TENM4: variants seen among roughly 807,000 people sequenced by gnomAD.
TENM4 encodes teneurin-4.
In TENM4, 82 loss-of-function variants were observed where a neutral mutation model predicts 243.3. The ratio of observed to expected loss-of-function variants is 0.34; its 90% confidence interval spans 0.28 to 0.40. The LOEUF is 0.40. TENM4 is among the 10% of genes least tolerant of loss of function. TENM4 has a pLI of 1.00. For missense variants in TENM4, 3,138 were observed against 3,673.3 expected, an observed-to-expected ratio of 0.85 and a Z score of 3.77; for synonymous variants, 1,412 against 1,456.3, an observed-to-expected ratio of 0.97 and a Z score of 0.69.
intron 6 of TENM4, among the ~76,000 whole-genome samples, chr11:78,908,954 T>C (rs1856123080): frequency 6.6e-6 from 1 of 152,208 alleles, no homozygotes; most frequent in Admixed American, 6.5e-5. Flanking sequence ...GGAGGACAGC[T>C]GGCAAAGATA....
At chr11:78,665,515 G>A (rs1279810144) in intron 32 of TENM4, among the ~76,000 whole-genome samples, 1 of 152,134 alleles carries the variant, frequency 6.6e-6, no homozygotes, top group Non-Finnish European at 1.5e-5. Flanking sequence ...CAAGTGACCT[G>A]CCCACCTTGG....
chr11:79,208,777 C>T (rs1863898274), intron 3 of TENM4, among the ~76,000 whole-genome samples: 2 of 152,200 alleles, frequency 1.3e-5, no homozygotes, highest in African/African-American at 4.8e-5. Flanking sequence ...TCTGTTCTCA[C>T]CCCTGGAGTG....
At chr11:79,437,803 C>A (rs1182634779) in intron 1 of TENM4, among the ~76,000 whole-genome samples, 1 of 152,232 alleles carries the variant, frequency 6.6e-6, no homozygotes, top group African/African-American at 2.4e-5. Flanking sequence ...GGGGAGCTAA[C>A]CCAGCCGCCT....
At chr11:79,056,968 A>G (rs1282621577) in intron 6 of TENM4, among the ~76,000 whole-genome samples, 2 of 152,196 alleles carry the variant, frequency 1.3e-5, no homozygotes, top group Non-Finnish European at 2.9e-5. Flanking sequence ...CTCAATGCTA[A>G]CAAGATGGTG....
chr11:78,812,046 C>T, intron 14 of TENM4, 76 bp downstream of exon 14: 2 of 1,481,316 alleles, frequency 1.4e-6, no homozygotes, highest in South Asian at 1.4e-5. Context: ...CCCCTGCTCC[C>T]TGGTCACCCT....
intron 4 of TENM4, among the ~76,000 whole-genome samples, chr11:79,087,483 G>A (rs1031318727): frequency 6.6e-6 from 1 of 152,192 alleles, no homozygotes; most frequent in Admixed American, 6.5e-5. Flanking sequence ...ATCAGAGATC[G>A]CTGTTAGCAC....
At chr11:79,229,128 T>C (rs1043114592) in intron 2 of TENM4, among the ~76,000 whole-genome samples, 1 of 152,234 alleles carries the variant, frequency 6.6e-6, no homozygotes, top group African/African-American at 2.4e-5. Context: ...AGACTGGGGT[T>C]GTGAACTATT....
intron 6 of TENM4, among the ~76,000 whole-genome samples, chr11:78,928,005 C>A (rs571986427): frequency 1.3e-5 from 2 of 152,312 alleles, no homozygotes; most frequent in South Asian, 4.1e-4. Flanking sequence ...TCCAAGGAGA[C>A]CACCAAACCC....
At chr11:78,999,704 G>T (rs1380529263) in intron 6 of TENM4, among the ~76,000 whole-genome samples, 2 of 152,062 alleles carry the variant, frequency 1.3e-5, no homozygotes, top group African/African-American at 4.8e-5. Context: ...AGGAAAGTGT[G>T]ACCCATACTT....
rs373368713 is a variant in TENM4, at chr11:78,658,322, C to T, written c.8046G>A (p.Thr2682=). ...ALCLNTRYGT[T]LDEEKARVLE... is the part of the protein sequence containing the mutation. ...GGACCCGTGCCTTCTCCTCATCCAA[C>T]GTTGTCCCGTAGCGTGTGTTCAAGC... is the stretch of plus-strand genomic sequence containing the variant. The change falls in exon 34 of 34, where the codon ACG becomes ACA. Residue 2682 remains threonine (T), a synonymous_variant. Transcript: ENST00000278550. 1.2e-5 allele frequency: 19 copies of T among 1,613,294 alleles called. No individual in the cohort carries two copies. Among genetic ancestry groups the T allele is most frequent in the Middle Eastern group, 3.3e-4 (2 of 6,084 alleles).
rs571161256 is a variant in TENM4 at position 78,998,286 on chromosome 11, C to T, written c.493+66452G>A. 2.6e-5 allele frequency among the ~76,000 whole-genome samples: 4 copies of T among 152,320 alleles called. No homozygotes were observed. In the South Asian group the frequency reaches 8.3e-4, roughly 32 times the overall value. ...AAGCTGGAGGACACTGGGCAAGTCA[C>T]TTAGCCTCTCTGAGCTTCACTTTCT... is the stretch of plus-strand genomic sequence containing the variant. On this transcript the variant is annotated intron_variant, in intron 6 of 33. Coordinates refer to ENST00000278550, the MANE Select transcript of TENM4 (RefSeq NM_001098816.3).
chr11:78,997,335 G>A (rs1050227036), intron 6 of TENM4, among the ~76,000 whole-genome samples: 1 of 152,192 alleles, frequency 6.6e-6, no homozygotes, highest in Non-Finnish European at 1.5e-5. Flanking sequence ...GTTTACATAT[G>A]TCCTTGTTTT....
At chr11:78,841,168 T>C (rs1306124592) in intron 12 of TENM4, among the ~76,000 whole-genome samples, 2 of 152,192 alleles carry the variant, frequency 1.3e-5, no homozygotes, top group Non-Finnish European at 2.9e-5. Flanking sequence ...AGTTGGGTAC[T>C]AATATTATTG....
At position 79,416,888 on chromosome 11, in the gene TENM4, G is replaced by GA. The variant is rs925024318; in HGVS notation, c.-321+23620dup. On this transcript the variant is annotated intron_variant, in intron 1 of 33. Transcript: ENST00000278550. Reference sequence around the variant, plus strand: ...TAACCAGACAATGGCAAAAAAAAAAGAAAAAAAAAGACAGACACTACAGGC... The same window carrying GA: ...TAACCAGACAATGGCAAAAAAAAAAGAAAAAAAAAAGACAGACACTACAGGC... Among the ~76,000 whole-genome samples the GA allele has an allele frequency of 2.4e-3, 352 of 144,792 alleles. 2 individuals carry two copies. Among genetic ancestry groups the GA allele is most frequent in the Middle Eastern group, 0.017 (5 of 286 alleles). 95.0% of individuals were successfully genotyped at this position (144,792 alleles called of 152,430 possible).
chr11:79,137,326 C>T lies in TENM4; in HGVS notation c.-66+11384G>A, dbSNP rs560758006. Among the ~76,000 whole-genome samples, 4 of 152,168 alleles carry T rather than the reference C, an allele frequency of 2.6e-5. No individual in the cohort carries two copies. In the South Asian group the frequency reaches 6.2e-4, roughly 24 times the overall value. On this transcript the variant is annotated intron_variant, in intron 4 of 33. Coordinates refer to ENST00000278550, the MANE Select transcript of TENM4 (RefSeq NM_001098816.3). Reference sequence around the variant, plus strand: ...ATGAAATCAGTCTGCTACTCCACAACGGAGGTAAGGAAGAGTATGCATGGA... The same window carrying T: ...ATGAAATCAGTCTGCTACTCCACAATGGAGGTAAGGAAGAGTATGCATGGA...
At chr11:79,400,717 A>T (rs1272640358) in intron 1 of TENM4, among the ~76,000 whole-genome samples, 1 of 152,194 alleles carries the variant, frequency 6.6e-6, no homozygotes, top group Admixed American at 6.5e-5. Flanking sequence ...GTGCGTGTTG[A>T]TGCATAGCAC....
chr11:78,905,281 G>A (rs976908168), intron 6 of TENM4, among the ~76,000 whole-genome samples: 2 of 152,158 alleles, frequency 1.3e-5, no homozygotes, highest in African/African-American at 2.4e-5. Flanking sequence ...GCACAGTCAA[G>A]TATGAAGCAC....
chr11:78,725,161 A>G (rs1855484369), intron 23 of TENM4, among the ~76,000 whole-genome samples: 1 of 152,350 alleles, frequency 6.6e-6, no homozygotes, highest in Admixed American at 6.5e-5. Flanking sequence ...AGCACCACAC[A>G]GTTTTAGATA....
intron 1 of TENM4, among the ~76,000 whole-genome samples, chr11:79,423,186 G>A (rs763418121): frequency 6.6e-6 from 1 of 152,140 alleles, no homozygotes; most frequent in African/African-American, 2.4e-5. Context: ...ATTCCAACTG[G>A]AGAGGTAACA....
Sources: gnomAD v4.1 joint callset for allele counts (sites outside exome capture counted in the v4.1 genomes callset) on GRCh38, gnomAD v4.1.1 for gene constraint, MANE v1.5 for transcripts, NCBI Gene and HGNC (gene_info 2026-07-23, HGNC 2026-07-21) for gene names.